The following THSD7B variants were observed in gnomAD, a reference collection of about 807,000 sequenced individuals.
THSD7B encodes thrombospondin type 1 domain containing 7B, also known as thrombospondin type-1 domain-containing protein 7B.
In THSD7B, 138 loss-of-function variants were observed where a neutral mutation model predicts 213.6. The observed-to-expected ratio is 0.65, with a 90% CI of 0.56 to 0.74. THSD7B has a LOEUF of 0.74. THSD7B is among the 30% of genes least tolerant of loss of function. The probability of loss-of-function intolerance (pLI) is 0.00; values close to 1 mark genes in which losing one functional copy is unlikely to be tolerated. For missense variants in THSD7B, 1,931 were observed against 1,991.5 expected (o/e 0.97, Z 0.58); for synonymous variants, 742 against 687.0 (o/e 1.08, Z -1.25).
chr2:137,247,918 A>T (rs1182134635), intron 10 of THSD7B, among the ~76,000 whole-genome samples: 1 of 152,222 alleles, frequency 6.6e-6, no homozygotes, highest in Non-Finnish European at 1.5e-5. Flanking sequence ...AGGTAATATT[A>T]CCAGCTACTT....
chr2:136,772,642 G>T (rs765657620), intron 1 of THSD7B, among the ~76,000 whole-genome samples: 32 of 152,268 alleles, frequency 2.1e-4, no homozygotes, highest in Non-Finnish European at 4.6e-4. Flanking sequence ...CGATGTGAGT[G>T]GGGGTTGCTG....
At chr2:137,334,612 T>A (rs1684596533) in intron 12 of THSD7B, among the ~76,000 whole-genome samples, 1 of 152,172 alleles carries the variant, frequency 6.6e-6, no homozygotes, top group Admixed American at 6.5e-5. Context: ...CAAATCAGCA[T>A]CAATCACTGA....
At chr2:137,586,302 G>A (rs761320468) in intron 17 of THSD7B, among the ~76,000 whole-genome samples, 19 of 152,134 alleles carry the variant, frequency 1.2e-4, no homozygotes, top group Non-Finnish European at 2.4e-4. Context: ...TTGCCAGTCT[G>A]TGTCTTTTAA....
At chr2:136,770,426 A>G (rs188081089) in intron 1 of THSD7B, among the ~76,000 whole-genome samples, 145 of 152,302 alleles carry the variant, frequency 9.5e-4, no homozygotes, top group African/African-American at 3.4e-3. Flanking sequence ...TGGTAAAAAT[A>G]TTGAACTATT....
At chr2:137,075,633 C>G (rs550836318) in intron 3 of THSD7B, among the ~76,000 whole-genome samples, 49 of 152,342 alleles carry the variant, frequency 3.2e-4, no homozygotes, top group Admixed American at 5.9e-4. Context: ...TGGTGAGGAG[C>G]TGCGTTCCTT....
intron 17 of THSD7B, among the ~76,000 whole-genome samples, chr2:137,593,439 TG>T (rs1489558135): frequency 1.3e-5 from 2 of 151,990 alleles, no homozygotes; most frequent in Non-Finnish European, 2.9e-5. Flanking sequence ...ATATTTTCCA[TG>T]TTTTTTTCTT....
At chr2:137,144,991 G>C (rs543271341) in intron 5 of THSD7B, among the ~76,000 whole-genome samples, 3 of 152,082 alleles carry the variant, frequency 2.0e-5, no homozygotes, top group African/African-American at 7.2e-5. Flanking sequence ...ATTATTATAA[G>C]ATATAATTAA....
chr2:137,209,401 A>C (rs1681052183), intron 7 of THSD7B, among the ~76,000 whole-genome samples: 1 of 152,138 alleles, frequency 6.6e-6, no homozygotes, highest in Admixed American at 6.6e-5. Flanking sequence ...TAAATGTATT[A>C]ATAAATGGAT....
intron 2 of THSD7B, among the ~76,000 whole-genome samples, chr2:136,974,808 TC>T (rs1255475543): frequency 2.0e-5 from 3 of 152,204 alleles, no homozygotes; most frequent in African/African-American, 7.2e-5. Context: ...TAATTTACAT[TC>T]CCACCAACAG....
At chr2:136,881,029 G>A (rs1313735793) in intron 1 of THSD7B, among the ~76,000 whole-genome samples, 3 of 152,014 alleles carry the variant, frequency 2.0e-5, no homozygotes, top group Admixed American at 6.6e-5. Flanking sequence ...GCAACCACCA[G>A]CCTAATCACC....
chr2:136,940,080 T>TCA (rs1558860244), intron 2 of THSD7B, among the ~76,000 whole-genome samples: 235 of 152,284 alleles, frequency 1.5e-3, no homozygotes, highest in African/African-American at 5.6e-3. Flanking sequence ...TTAACATTTG[T>TCA]ATAATGGTAA....
chr2:137,174,775 C>A (rs563952773), intron 7 of THSD7B, among the ~76,000 whole-genome samples: 45 of 152,256 alleles, frequency 3.0e-4, no homozygotes, highest in African/African-American at 1.1e-3. Flanking sequence ...GATTTCTGTC[C>A]TCTGCACAAT....
intron 1 of THSD7B, among the ~76,000 whole-genome samples, chr2:136,795,285 C>A (rs1030618523): frequency 6.6e-6 from 1 of 151,918 alleles, no homozygotes; most frequent in South Asian, 2.1e-4. Context: ...AGGCTCTCCA[C>A]ATTCCTTGGC....
intron 1 of THSD7B, among the ~76,000 whole-genome samples, chr2:136,867,108 C>T (rs1484468219): frequency 6.6e-6 from 1 of 152,202 alleles, no homozygotes; most frequent in Non-Finnish European, 1.5e-5. Context: ...ATTATGTCCC[C>T]TAACATCCAG....
chr2:136,977,630 T>A (rs114243816), intron 2 of THSD7B, among the ~76,000 whole-genome samples: 263 of 152,262 alleles, frequency 1.7e-3, no homozygotes, highest in African/African-American at 6.1e-3. Context: ...ACACTGCTTT[T>A]GGCTGTGTCT....
At chr2:136,790,574 C>T (rs1274842078) in intron 1 of THSD7B, among the ~76,000 whole-genome samples, 1 of 151,978 alleles carries the variant, frequency 6.6e-6, no homozygotes, top group Non-Finnish European at 1.5e-5. Flanking sequence ...TCTTATTTTC[C>T]TGTTGTCTGT....
chr2:137,290,333 T>A (rs11688556), intron 12 of THSD7B, among the ~76,000 whole-genome samples: 1 of 151,782 alleles, frequency 6.6e-6, no homozygotes, highest in Non-Finnish European at 1.5e-5. Flanking sequence ...TCGTGATCTG[T>A]CCGCCTGGGC....
At chr2:137,119,019 C>T (rs753105701) in intron 5 of THSD7B, among the ~76,000 whole-genome samples, 1 of 152,150 alleles carries the variant, frequency 6.6e-6, no homozygotes, top group Non-Finnish European at 1.5e-5. Flanking sequence ...TCAATTATCT[C>T]CCACTGGGTC....
intron 1 of THSD7B, among the ~76,000 whole-genome samples, chr2:136,863,270 C>T (rs201346188): frequency 3.3e-5 from 5 of 152,216 alleles, no homozygotes; most frequent in South Asian, 2.1e-4. Flanking sequence ...TTGTTTTCAC[C>T]GGAACCCAGC....
Sources: allele counts gnomAD v4.1 joint callset (sites outside exome capture counted in the v4.1 genomes callset), GRCh38; gene constraint gnomAD v4.1.1; transcripts MANE v1.5; gene names NCBI Gene and HGNC (gene_info 2026-07-23, HGNC 2026-07-21).